The following ARHGEF12 variants were observed in gnomAD, a reference collection of about 807,000 sequenced individuals.
ARHGEF12 encodes the protein Rho guanine nucleotide exchange factor 12, also known as KMT2A/ARHGEF12 fusion protein.
Under a neutral mutation model 211.2 loss-of-function variants are expected in ARHGEF12, and 66 were observed. The observed-to-expected ratio is 0.31, with a 90% CI of 0.26 to 0.38. The LOEUF (loss-of-function observed/expected upper bound fraction) is 0.38. ARHGEF12 is among the 10% of genes least tolerant of loss of function. The pLI, the probability that ARHGEF12 is intolerant of heterozygous loss-of-function variation, is 1.00. For missense variants in ARHGEF12, 1,429 were observed against 1,869.5 expected (o/e 0.76, Z 4.34); for synonymous variants, 592 against 638.4 (o/e 0.93, Z 1.09).
intron 24 of ARHGEF12, 136 bp downstream of exon 24, chr11:120,457,892 AAAC>A: frequency 8.6e-7 from 1 of 1,160,150 alleles, no homozygotes; most frequent in South Asian, 1.6e-5. Flanking sequence ...AGCTCTTAAG[AAAC>A]ACTGGTCATT....
rs1445856170 is a variant in ARHGEF12 at position 120,457,673 on chromosome 11, T to C, written c.2190-48T>C. ...TTGAGTATCTTTGGTATAAATGTAT[T>C]GATCACCATTTTGTTTTCATGTTAC... On this transcript the variant is annotated intron_variant, in intron 23 of 40. Coordinates refer to ENST00000397843, the MANE Select transcript of ARHGEF12 (RefSeq NM_015313.3). The C allele has an allele frequency of 4.1e-6, 6 of 1,476,182 alleles. No homozygotes were observed. The African/African-American group carries it at 6.9e-5, about 17-fold the overall frequency. The allele number at this position is 1,476,182 out of a possible 1,614,324, so 91.4% of individuals were successfully genotyped here.
At chr11:120,481,783 G>A (rs1300967794) in intron 39 of ARHGEF12, among the ~76,000 whole-genome samples, 6 of 142,620 alleles carry the variant, frequency 4.2e-5, no homozygotes, top group East Asian at 2.0e-4. Context: ...TTTTTGAGAC[G>A]GAGTCTCGCT....
At chr11:120,354,896 A>T (rs2135328738) in intron 1 of ARHGEF12, among the ~76,000 whole-genome samples, 1 of 152,340 alleles carries the variant, frequency 6.6e-6, no homozygotes, top group Admixed American at 6.5e-5. Flanking sequence ...ATCTACAGAC[A>T]TCCGCTATGC....
rs201514532 is a variant in ARHGEF12, at chr11:120,407,804, A to T, written c.123A>T (p.Ser41=). ...AGCAGAAAGTTGAGCGCATTGCATC[A>T]CATGATTTTGACCCCACAGGTAAAA... is the stretch of plus-strand genomic sequence containing the variant. ...DKKQKVERIA[S]HDFDPTDSSS... The change falls in exon 3 of 41, where the codon TCA becomes TCT. Residue 41 remains serine, a synonymous_variant. Coordinates refer to ENST00000397843, the MANE Select transcript of ARHGEF12 (RefSeq NM_015313.3). The T allele has an allele frequency of 6.0e-4, 972 of 1,613,666 alleles. 14 individuals carry two copies. In the South Asian group the frequency reaches 8.9e-3, roughly 15 times the overall value.
intron 4 of ARHGEF12, 38 bp downstream of exon 4, chr11:120,409,488 G>T: frequency 6.3e-7 from 1 of 1,598,368 alleles, no homozygotes; most frequent in Non-Finnish European, 8.6e-7. Context: ...GCCCTTTGGA[G>T]CTTGCTTCAT....
intron 1 of ARHGEF12, among the ~76,000 whole-genome samples, chr11:120,373,712 T>TC (rs1169747585): frequency 6.6e-6 from 1 of 152,210 alleles, no homozygotes; most frequent in East Asian, 1.9e-4. Flanking sequence ...TATGTTTTTT[T>TC]CCCCCATATT....
chr11:120,352,165 G>A (rs1211937425), intron 1 of ARHGEF12, among the ~76,000 whole-genome samples: 3 of 151,924 alleles, frequency 2.0e-5, no homozygotes, highest in Non-Finnish European at 4.4e-5. Context: ...TTCTTTTCCA[G>A]ATTTCTGACA....
intron 1 of ARHGEF12, among the ~76,000 whole-genome samples, chr11:120,400,672 T>C: frequency 6.6e-6 from 1 of 152,192 alleles, no homozygotes; most frequent in East Asian, 1.9e-4. Flanking sequence ...GTGAGCTGCA[T>C]TTCTCAGTCA....
chr11:120,474,428 G>A, intron 31 of ARHGEF12, 132 bp from the exon 32 acceptor site: 1 of 584,102 alleles, frequency 1.7e-6, no homozygotes. Flanking sequence ...CTGACAAATA[G>A]CAATAATGAT....
chr11:120,395,776 A>G (rs943585391), intron 1 of ARHGEF12, among the ~76,000 whole-genome samples: 2 of 151,876 alleles, frequency 1.3e-5, no homozygotes, highest in African/African-American at 4.8e-5. Context: ...CCCCTTCATG[A>G]TTCAATTACC....
At chr11:120,473,348 A>G (rs1229534205) in intron 31 of ARHGEF12, among the ~76,000 whole-genome samples, 1 of 152,150 alleles carries the variant, frequency 6.6e-6, no homozygotes, top group African/African-American at 2.4e-5. Context: ...ATATTACATG[A>G]CAGCAATTGG....
Position 120,385,381 on chromosome 11 carries a change from G to T in ARHGEF12, c.33-20737G>T, listed in dbSNP as rs887206403. The stretch of plus-strand genomic sequence containing the variant: ...AATGTATATATAAAGAAAAAGCTTA[G>T]GATTGCTAAGGGAGTGGTATTTTGG... On this transcript the variant is annotated intron_variant, in intron 1 of 40. Transcript: ENST00000397843. 4.1e-6 allele frequency: 4 copies of T among 985,216 alleles called. No individual in the cohort carries two copies. In the African/African-American group the frequency reaches 7.0e-5, roughly 17 times the overall value. 61.0% of individuals were successfully genotyped at this position (985,216 alleles called of 1,614,324 possible).
At chr11:120,426,802 C>A (rs992784187) in intron 7 of ARHGEF12, among the ~76,000 whole-genome samples, 1 of 151,964 alleles carries the variant, frequency 6.6e-6, no homozygotes, top group Non-Finnish European at 1.5e-5. Flanking sequence ...TTTAAAAGTT[C>A]TATTGAAATA....
intron 24 of ARHGEF12, 155 bp downstream of exon 24, chr11:120,457,911 G>T: frequency 2.7e-6 from 3 of 1,128,080 alleles, no homozygotes; most frequent in Non-Finnish European, 3.7e-6. Context: ...TCATTCAAAA[G>T]CTGTATTTTG....
chr11:120,483,426 A>AT (rs1947311410), intron 39 of ARHGEF12, among the ~76,000 whole-genome samples: 2 of 131,702 alleles, frequency 1.5e-5, no homozygotes, highest in African/African-American at 5.6e-5. Flanking sequence ...TGCCCAGATA[A>AT]ATTTTTTTTT....
chr11:120,471,044 TTAAC>T (rs1056490615), intron 30 of ARHGEF12, among the ~76,000 whole-genome samples: 63 of 152,246 alleles, frequency 4.1e-4, no homozygotes, highest in South Asian at 1.9e-3. Flanking sequence ...ACATAACAAA[TTAAC>T]TAACTAACTT....
intron 4 of ARHGEF12, among the ~76,000 whole-genome samples, chr11:120,416,490 G>A (rs900052057): frequency 6.6e-6 from 1 of 152,154 alleles, no homozygotes; most frequent in Non-Finnish European, 1.5e-5. Context: ...GGAAAAGCTT[G>A]TAAGAAGACT....
In ARHGEF12 at chr11:120,430,897, G is replaced by A. The variant is rs1409400686; in HGVS notation, c.784-874G>A. 3.3e-5 allele frequency among the ~76,000 whole-genome samples: 5 copies of A among 152,088 alleles called. No individual in the cohort carries two copies. The South Asian group carries it at 8.3e-4, about 25-fold the overall frequency. On this transcript the variant is annotated intron_variant, in intron 10 of 40. Coordinates refer to ENST00000397843, the MANE Select transcript of ARHGEF12 (RefSeq NM_015313.3). ...TTTCATTACCTTCAGTCCCAGTAGC[G>A]ATGTCACATTTTGAGTGTTACACCT...
Position 120,473,117 on chromosome 11 carries a change from A to G in ARHGEF12, c.3023A>G (p.Glu1008Gly). The G allele has an allele frequency of 1.2e-6, 2 of 1,613,282 alleles. No homozygotes were observed. The highest frequency in any genetic ancestry group is 2.7e-5 in the African/African-American group (2 of 75,016). Residue 1008 changes from glutamate to glycine, a missense_variant, in exon 31 of 41, where the codon GAA (glutamate) becomes GGA (glycine). Around this residue, in one of 7 missense-constraint regions of ARHGEF12, gnomAD observed 223 missense variants for 444.6 expected, o/e 0.50. Coordinates refer to ENST00000397843, the MANE Select transcript of ARHGEF12 (RefSeq NM_015313.3). The part of the protein sequence containing the change: ...SLKLSEYPNV[E>G]ELRNLDLTKR... The stretch of plus-strand genomic sequence containing the variant: ...AAGTTGTCAGAGTACCCAAATGTTG[A>G]AGAGCTCAGGGTGAGAGATGGTCTA...
Sources: allele counts gnomAD v4.1 joint callset (sites outside exome capture counted in the v4.1 genomes callset), GRCh38; gene constraint gnomAD v4.1.1; regional missense constraint gnomAD v4.1.1; transcripts MANE v1.5; gene names NCBI Gene and HGNC (gene_info 2026-07-23, HGNC 2026-07-21).